Variants in PLXNA2 observed in about 807,000 individuals in gnomAD.
The protein encoded by PLXNA2 is plexin A2, also known as plexin-A2.
A neutral mutation model predicts 193.5 loss-of-function variants in PLXNA2; 91 were observed. The observed-to-expected ratio is 0.47, with a 90% CI of 0.40 to 0.56. The LOEUF is 0.56. Among genes scored for constraint, PLXNA2 ranks in the 20% least tolerant of loss-of-function variants. The pLI is 0.00. For missense variants in PLXNA2, 1,995 were observed against 2,503.2 expected, an observed-to-expected ratio of 0.80 and a Z score of 4.33; for synonymous variants, 997 against 1,027.3, an observed-to-expected ratio of 0.97 and a Z score of 0.56.
At chr1:208,127,873 C>T (rs1026135968) in intron 4 of PLXNA2, among the ~76,000 whole-genome samples, 34 of 152,166 alleles carry the variant, frequency 2.2e-4, no homozygotes, top group African/African-American at 7.7e-4. Context: ...GCGGGAGCAG[C>T]GAGTAGGGAA....
intron 17 of PLXNA2, among the ~76,000 whole-genome samples, chr1:208,049,147 A>G (rs890296921): frequency 2.0e-5 from 3 of 152,274 alleles, no homozygotes; most frequent in African/African-American, 7.2e-5. Flanking sequence ...CTCCGCCTCC[A>G]GGCAGACCAA....
chr1:208,098,991 A>T (rs1371043492), intron 5 of PLXNA2, 22 bp from the exon 6 acceptor site: 2 of 1,611,782 alleles, frequency 1.2e-6, no homozygotes, highest in Non-Finnish European at 1.7e-6. Flanking sequence ...ACAGATTCAC[A>T]AGAGGTCAGG....
At chr1:208,189,703 G>A (rs1411755833) in intron 3 of PLXNA2, among the ~76,000 whole-genome samples, 2 of 152,094 alleles carry the variant, frequency 1.3e-5, no homozygotes, top group Non-Finnish European at 2.9e-5. Flanking sequence ...AGCTCAATAA[G>A]GCTAACTGAT....
At chr1:208,116,865 A>C (rs1462842783) in intron 4 of PLXNA2, among the ~76,000 whole-genome samples, 1 of 152,152 alleles carries the variant, frequency 6.6e-6, no homozygotes, top group East Asian at 1.9e-4. Context: ...CCTGACCCAG[A>C]TGAATGGAAT....
intron 9 of PLXNA2, among the ~76,000 whole-genome samples, chr1:208,086,316 T>C (rs1346279800): frequency 6.6e-6 from 1 of 152,128 alleles, no homozygotes; most frequent in Non-Finnish European, 1.5e-5. Context: ...AAATCTTTTT[T>C]TTTTTAGCTC....
At chr1:208,110,641 C>T (rs1422879356) in intron 4 of PLXNA2, among the ~76,000 whole-genome samples, 2 of 152,172 alleles carry the variant, frequency 1.3e-5, no homozygotes, top group African/African-American at 2.4e-5. Context: ...TCCCATTTTA[C>T]CTATTAGAAA....
intron 3 of PLXNA2, among the ~76,000 whole-genome samples, chr1:208,204,160 A>T (rs372108757): frequency 2.6e-4 from 39 of 152,332 alleles, no homozygotes; most frequent in African/African-American, 8.9e-4. Flanking sequence ...AATGGGAAAG[A>T]AGGTAGTGCC....
intron 26 of PLXNA2, among the ~76,000 whole-genome samples, chr1:208,037,915 G>A: frequency 6.6e-6 from 1 of 151,888 alleles, no homozygotes; most frequent in Non-Finnish European, 1.5e-5. Context: ...GAGGAAGAAT[G>A]TAAGACCTGA....
At chr1:208,208,183 T>C (rs1357863790) in intron 3 of PLXNA2, among the ~76,000 whole-genome samples, 1 of 152,226 alleles carries the variant, frequency 6.6e-6, no homozygotes, top group Non-Finnish European at 1.5e-5. Context: ...CATCCATCCA[T>C]CCATTCAGCA....
chr1:208,092,709 T>C (rs1396671763), intron 9 of PLXNA2, 77 bp downstream of exon 9: 1 of 1,006,944 alleles, frequency 9.9e-7, no homozygotes, highest in South Asian at 1.5e-5. Context: ...GCCAAGCCAT[T>C]GGACTGACCA....
chr1:208,041,989 C>A, intron 22 of PLXNA2, 109 bp downstream of exon 22: 1 of 1,187,448 alleles, frequency 8.4e-7, no homozygotes, highest in Non-Finnish European at 1.2e-6. Context: ...ATGGGTGCCC[C>A]TTCTGGGGAG....
In PLXNA2 at chr1:208,217,602, G is replaced by A. The variant is rs1671178219; in HGVS notation, c.321C>T (p.Leu107=). 1.9e-6 allele frequency: 3 copies of A among 1,614,212 alleles called. No homozygotes were observed. The highest frequency in any genetic ancestry group is 2.5e-6 in the Non-Finnish European group (3 of 1,180,038). The change falls in exon 2 of 32, where the codon CTC becomes CTT. Residue 107 remains leucine, a synonymous_variant. Transcript: ENST00000367033. The surrounding 1 kb of genome is among the most constrained non-coding windows in gnomAD (Gnocchi z 4.7). ...PLIVQPCSEV[L]TLTNNVNKLL... ...GCTTGTTGACATTGTTGGTGAGGGT[G>A]AGCACTTCGCTGCAGGGCTGCACGA...
At chr1:208,122,407 T>C (rs1216990332) in intron 4 of PLXNA2, among the ~76,000 whole-genome samples, 1 of 152,262 alleles carries the variant, frequency 6.6e-6, no homozygotes, top group Non-Finnish European at 1.5e-5. Flanking sequence ...ATGTTAGTGT[T>C]ATTTCTTCAT....
chr1:208,045,425 A>T (rs1347680273), intron 18 of PLXNA2, among the ~76,000 whole-genome samples: 2 of 152,108 alleles, frequency 1.3e-5, no homozygotes, highest in Non-Finnish European at 2.9e-5. Context: ...TGAAGAAGAG[A>T]GTGGGAAAAA....
At chr1:208,230,911 TA>T (rs1286343623) in intron 1 of PLXNA2, among the ~76,000 whole-genome samples, 1 of 152,096 alleles carries the variant, frequency 6.6e-6, no homozygotes, top group Non-Finnish European at 1.5e-5. Context: ...GGAGCTGGAT[TA>T]AAGGGGCATG....
chr1:208,055,002 T>C (rs1409593382), intron 13 of PLXNA2, among the ~76,000 whole-genome samples: 1 of 152,192 alleles, frequency 6.6e-6, no homozygotes, highest in African/African-American at 2.4e-5. Flanking sequence ...GATTCAGTTG[T>C]GGTTTGCTTC....
At chr1:208,107,199 T>G (rs983250321) in intron 4 of PLXNA2, among the ~76,000 whole-genome samples, 13 of 152,046 alleles carry the variant, frequency 8.6e-5, no homozygotes, top group Non-Finnish European at 1.9e-4. Context: ...AAATCCAGGG[T>G]GCACTAAATC....
At chr1:208,064,371 C>T (rs1665717394) in intron 12 of PLXNA2, among the ~76,000 whole-genome samples, 1 of 152,244 alleles carries the variant, frequency 6.6e-6, no homozygotes. Context: ...AAGGCAAAGT[C>T]CCTAATTCCT....
At chr1:208,100,205 T>C (rs1035720129) in intron 5 of PLXNA2, among the ~76,000 whole-genome samples, 3 of 151,924 alleles carry the variant, frequency 2.0e-5, no homozygotes, top group Non-Finnish European at 4.4e-5. Flanking sequence ...TGGGACCCCA[T>C]TCTAAAAAAA....
Sources: gnomAD v4.1 joint callset for allele counts (sites outside exome capture counted in the v4.1 genomes callset) on GRCh38, gnomAD v4.1.1 for gene constraint, Gnocchi (gnomAD v3.1) non-coding constraint, MANE v1.5 for transcripts, NCBI Gene and HGNC (gene_info 2026-07-23, HGNC 2026-07-21) for gene names.